PRLR: variants seen among roughly 807,000 people sequenced by gnomAD.
The protein encoded by PRLR is hPRL receptor.
PRLR carries 13 observed loss-of-function variants against 40.2 expected under a neutral mutation model. That is an observed-to-expected ratio of 0.32 (90% confidence interval 0.21 to 0.51). The LOEUF (loss-of-function observed/expected upper bound fraction) is 0.51, where lower values mean the gene tolerates loss of function less well. Among genes scored for constraint, PRLR ranks in the 20% least tolerant of loss-of-function variants. The pLI is 0.97. For missense variants in PRLR, 656 were observed against 747.3 expected (o/e 0.88, Z 1.42); for synonymous variants, 269 against 278.7 (o/e 0.97, Z 0.35).
intron 1 of PRLR, among the ~76,000 whole-genome samples, chr5:35,204,398 G>A (rs7707413): frequency 0.3 from 45,921 of 151,840 alleles, 7,586 homozygotes; most frequent in Middle Eastern, 0.41. Context: ...GGGATGGGCC[G>A]CTTTCCTAAG....
intron 1 of PRLR, among the ~76,000 whole-genome samples, chr5:35,149,039 A>C (rs1302642161): frequency 2.0e-5 from 3 of 152,200 alleles, no homozygotes; most frequent in Admixed American, 6.5e-5. Context: ...GATGGCCTTG[A>C]GAAATACAGC....
At position 35,059,434 on chromosome 5, in the gene PRLR, T is replaced by C. The variant is rs1397502665; in HGVS notation, c.*5655A>G. The C allele has an allele frequency of 1.3e-5, 2 of 152,162 alleles. No individual in the cohort carries two copies. Among genetic ancestry groups the C allele is most frequent in the Non-Finnish European group, 2.9e-5 (2 of 68,016 alleles). 9.4% of individuals were successfully genotyped at this position (152,162 alleles called of 1,614,324 possible). ...CCAGCATGATAGTGTTTGTGAATTA[T>C]GTACCTCTCTTAGACATAAACTCTT... On this transcript the variant is annotated 3_prime_UTR_variant, in exon 10 of 10. Transcript: ENST00000618457.
At chr5:35,184,470 T>C (rs1227153891) in intron 1 of PRLR, among the ~76,000 whole-genome samples, 2 of 152,190 alleles carry the variant, frequency 1.3e-5, no homozygotes, top group African/African-American at 4.8e-5. Context: ...TGAGCCGAGA[T>C]TGAGCCACTG....
chr5:35,189,221 A>G (rs1227839326), intron 1 of PRLR, among the ~76,000 whole-genome samples: 5 of 152,182 alleles, frequency 3.3e-5, no homozygotes, highest in African/African-American at 1.2e-4. Flanking sequence ...TCTTCCTCAC[A>G]GTACCAGAAG....
rs796462324 is a variant in PRLR, at chr5:35,169,269, C to T, written c.-105-51147G>A. ...TCCATATCTAGATATGTGTGGCTTG[C>T]GGAAAGACCTTATTTTATGAGATAT... On this transcript the variant is annotated intron_variant, in intron 1 of 9. Transcript: ENST00000618457. Among the ~76,000 whole-genome samples, 7 of 152,170 alleles carry T rather than the reference C, an allele frequency of 4.6e-5. 1 individual carries two copies. The highest frequency in any genetic ancestry group is 4.2e-4 in the South Asian group (2 of 4,812).
intron 1 of PRLR, among the ~76,000 whole-genome samples, chr5:35,218,244 A>G (rs1387151259): frequency 1.3e-5 from 2 of 152,220 alleles, no homozygotes; most frequent in African/African-American, 2.4e-5. Flanking sequence ...CATATCATAT[A>G]ATATTTTAAA....
At chr5:35,147,478 A>G (rs1774214087) in intron 1 of PRLR, among the ~76,000 whole-genome samples, 1 of 152,158 alleles carries the variant, frequency 6.6e-6, no homozygotes, top group Non-Finnish European at 1.5e-5. Context: ...TCAAAGTAGG[A>G]GTTGATAATC....
intron 1 of PRLR, among the ~76,000 whole-genome samples, chr5:35,123,231 A>C (rs938298859): frequency 6.6e-6 from 1 of 152,172 alleles, no homozygotes; most frequent in African/African-American, 2.4e-5. Context: ...CATCAGCATA[A>C]TCTTACTTTT....
chr5:35,188,811 T>C (rs545069384), intron 1 of PRLR, among the ~76,000 whole-genome samples: 1 of 152,348 alleles, frequency 6.6e-6, no homozygotes, highest in Admixed American at 6.5e-5. Context: ...TAACGTTTAC[T>C]GAGAGCTTTC....
At chr5:35,116,474 C>T (rs894061754) in intron 2 of PRLR, among the ~76,000 whole-genome samples, 4 of 152,136 alleles carry the variant, frequency 2.6e-5, no homozygotes, top group Non-Finnish European at 4.4e-5. Context: ...TGAATACACA[C>T]ACAAATACAA....
At chr5:35,213,229 G>A (rs763485879) in intron 1 of PRLR, among the ~76,000 whole-genome samples, 4 of 152,174 alleles carry the variant, frequency 2.6e-5, no homozygotes, top group Non-Finnish European at 4.4e-5. Context: ...TTTTACATTT[G>A]TACATGGATT....
chr5:35,104,998 G>C (rs1038379004), intron 2 of PRLR, among the ~76,000 whole-genome samples: 2 of 152,088 alleles, frequency 1.3e-5, no homozygotes, highest in African/African-American at 4.8e-5. Context: ...CCTCATACAC[G>C]CAGGTGCCCC....
chr5:35,150,008 C>A (rs1774294526), intron 1 of PRLR, among the ~76,000 whole-genome samples: 1 of 152,144 alleles, frequency 6.6e-6, no homozygotes, highest in African/African-American at 2.4e-5. Context: ...GCCAGTGCGC[C>A]TGAGTAGCTG....
chr5:35,142,337 C>T (rs1363177620), intron 1 of PRLR, among the ~76,000 whole-genome samples: 1 of 152,126 alleles, frequency 6.6e-6, no homozygotes, highest in African/African-American at 2.4e-5. Flanking sequence ...TTTGTGGAAT[C>T]ACCTGGCGAT....
intron 1 of PRLR, among the ~76,000 whole-genome samples, chr5:35,226,514 G>A (rs1313581327): frequency 6.6e-6 from 1 of 152,178 alleles, no homozygotes; most frequent in Non-Finnish European, 1.5e-5. Context: ...CTATATACAA[G>A]TCAACTTCTA....
At chr5:35,191,672 C>A (rs1297785242) in intron 1 of PRLR, among the ~76,000 whole-genome samples, 1 of 152,178 alleles carries the variant, frequency 6.6e-6, no homozygotes, top group Non-Finnish European at 1.5e-5. Context: ...CAAAGACCAT[C>A]TTTAGAAATT....
chr5:35,181,123 A>T lies in PRLR; in HGVS notation c.-106+49145T>A, dbSNP rs555808217. Among the ~76,000 whole-genome samples the T allele has an allele frequency of 3.9e-5, 6 of 152,324 alleles. No individual in the cohort carries two copies. The South Asian group carries it at 1.2e-3, about 32-fold the overall frequency. On this transcript the variant is annotated intron_variant, in intron 1 of 9. Transcript: ENST00000618457. ...TTCTCAAGGCTCTGTGCAAATGGAA[A>T]TTTGTCCTCATAGCTTCCTGGTATG...
At chr5:35,124,663 C>T (rs1173824027) in intron 1 of PRLR, among the ~76,000 whole-genome samples, 6 of 152,138 alleles carry the variant, frequency 3.9e-5, no homozygotes, top group Non-Finnish European at 7.3e-5. Context: ...AGAATACTCA[C>T]CCTAACTCCT....
At chr5:35,186,014 A>G (rs1037131448) in intron 1 of PRLR, among the ~76,000 whole-genome samples, 1 of 152,174 alleles carries the variant, frequency 6.6e-6, no homozygotes, top group African/African-American at 2.4e-5. Context: ...TCTAGGAGAC[A>G]GTCGCCATAT....
Sources: gnomAD v4.1 joint callset for allele counts (sites outside exome capture counted in the v4.1 genomes callset) on GRCh38, gnomAD v4.1.1 for gene constraint, MANE v1.5 for transcripts, NCBI Gene and HGNC (gene_info 2026-07-23, HGNC 2026-07-21) for gene names.